The following USP14 variants were observed in gnomAD, a reference collection of about 807,000 sequenced individuals.
The protein encoded by USP14 is ubiquitin carboxyl-terminal hydrolase 14.
USP14 carries 38 observed loss-of-function variants against 76.5 expected under a neutral mutation model. The ratio of observed to expected loss-of-function variants is 0.50; its 90% CI spans 0.38 to 0.65. The LOEUF (loss-of-function observed/expected upper bound fraction) is 0.65, where lower values mean the gene tolerates loss of function less well. Ranked by LOEUF, USP14 falls within the 30% of genes least tolerant of loss-of-function variation. The pLI, the probability that USP14 is intolerant of heterozygous loss-of-function variation, is 0.00. For synonymous variants in USP14, 192 were observed against 191.7 expected, an observed-to-expected ratio of 1.00 and a Z score of -0.01; for missense variants, 467 against 586.5, an observed-to-expected ratio of 0.80 and a Z score of 2.10.
Position 211,222 on chromosome 18 carries a change from G to A in USP14, c.1423G>A (p.Ala475Thr), listed in dbSNP as rs773654673. The A allele has an allele frequency of 5.6e-6, 9 of 1,614,048 alleles. No homozygotes were observed. Among genetic ancestry groups the A allele is most frequent in the South Asian group, 3.3e-5 (3 of 91,056 alleles). The change falls in exon 16 of 16, where the codon GCT (alanine) becomes ACT (threonine). Residue 475 changes from alanine to threonine, a missense_variant. Ala to Thr is a moderately conservative substitution (Grantham distance 58, BLOSUM62 0). Coordinates refer to ENST00000261601, the MANE Select transcript of USP14 (RefSeq NM_005151.4). Reference protein sequence around the residue: ...RLSGGGDWHIAYVLLYGPRRV... With the variant: ...RLSGGGDWHITYVLLYGPRRV... Reference sequence around the variant, plus strand: ...TTCTGGTGGTGGAGACTGGCATATCGCTTACGTTCTACTCTATGGGCCTCG... The same window carrying A: ...TTCTGGTGGTGGAGACTGGCATATCACTTACGTTCTACTCTATGGGCCTCG...
rs750801023 is a variant in USP14 at position 206,033 on chromosome 18, GT to G, written c.1164+1345del. The stretch of plus-strand genomic sequence containing the variant: ...ACCTGCTGTAAACATTCGTGTACAG[GT>G]TTTAATGTAAACGTAAGTTCCATTT... On this transcript the variant is annotated intron_variant, in intron 13 of 15. Transcript: ENST00000261601. Among the ~76,000 whole-genome samples the G allele has an allele frequency of 3.0e-4, 45 of 152,288 alleles. 1 individual carries two copies. Among genetic ancestry groups the G allele is most frequent in the Non-Finnish European group, 5.6e-4 (38 of 68,036 alleles).
In USP14 at chr18:191,986, G is replaced by A. The variant is rs188563895; in HGVS notation, c.405-856G>A. Among the ~76,000 whole-genome samples the A allele has an allele frequency of 4.7e-4, 66 of 140,676 alleles. 1 individual carries two copies. The East Asian group carries it at 0.016, about 35-fold the overall frequency. The allele number at this position is 140,676 out of a possible 152,430, so 92.3% of individuals were successfully genotyped here. On this transcript the variant is annotated intron_variant, in intron 5 of 15. Coordinates refer to ENST00000261601, the MANE Select transcript of USP14 (RefSeq NM_005151.4). The stretch of plus-strand genomic sequence containing the variant: ...TAGTCATTTGAAAAGGAATTTGCAT[G>A]GCCAGTTTGTTGTACTGTTGTAAAT...
intron 1 of USP14, 76 bp from the exon 2 acceptor site, chr18:163,232 A>G (rs1282340135): frequency 1.5e-6 from 2 of 1,367,740 alleles, no homozygotes; most frequent in African/African-American, 2.9e-5. Context: ...ATAACTGCCT[A>G]ATTGGTGATC....
At chr18:161,859 T>G (rs1056413234) in intron 1 of USP14, among the ~76,000 whole-genome samples, 2 of 152,240 alleles carry the variant, frequency 1.3e-5, no homozygotes, top group East Asian at 1.9e-4. Context: ...TTGAAATTTT[T>G]TATTGTGGTA....
rs2143052912 is a variant in USP14, at chr18:192,846, G to T, written c.409G>T (p.Ala137Ser). 1 of 1,613,716 alleles carries T rather than the reference G, an allele frequency of 6.2e-7. No individual in the cohort carries two copies. The highest frequency in any genetic ancestry group is 8.5e-7 in the Non-Finnish European group (1 of 1,179,836). ...PELKDALKRY[A>S]GALRASGEMA... ...ACTCGGCTTTAATGTTCCTAGGTAT[G>T]CAGGTGCCTTGAGAGCTTCAGGGGA... Residue 137 changes from alanine (A) to serine (S), a missense_variant, in exon 6 of 16, where the codon GCA (alanine) becomes TCA (serine). Coordinates refer to ENST00000261601, the MANE Select transcript of USP14 (RefSeq NM_005151.4).
chr18:164,513 G>A (rs1909213567), intron 2 of USP14, among the ~76,000 whole-genome samples: 1 of 151,958 alleles, frequency 6.6e-6, no homozygotes, highest in Non-Finnish European at 1.5e-5. Context: ...GAGTGCAGTG[G>A]TGCTATCTTG....
intron 5 of USP14, among the ~76,000 whole-genome samples, chr18:184,136 T>A (rs900628980): frequency 2.6e-5 from 4 of 152,234 alleles, no homozygotes; most frequent in Non-Finnish European, 5.9e-5. Context: ...TTCCTTTTTT[T>A]AAAAAAATAA....
rs1227594564 is a variant in USP14 at position 214,488 on chromosome 18, T to C, written c.*3204T>C. The C allele has an allele frequency of 5.5e-6, 4 of 721,146 alleles. No homozygotes were observed. Among genetic ancestry groups the C allele is most frequent in the Admixed American group, 2.9e-5 (1 of 33,928 alleles). 44.7% of individuals were successfully genotyped at this position (721,146 alleles called of 1,614,324 possible). ...TGGTTTGAGCCAATATGTGTTCTAT[T>C]GTTCTCAGAGCACCAGCCGACTGTA... On this transcript the variant is annotated 3_prime_UTR_variant, in exon 16 of 16. Transcript: ENST00000261601.
At chr18:190,573 A>C (rs879433023) in intron 5 of USP14, among the ~76,000 whole-genome samples, 1 of 152,220 alleles carries the variant, frequency 6.6e-6, no homozygotes, top group Non-Finnish European at 1.5e-5. Context: ...TGTGGCCTAC[A>C]TAACTTTTGG....
At chr18:163,218 C>T in intron 1 of USP14, 90 bp from the exon 2 acceptor site, 1 of 1,235,118 alleles carries the variant, frequency 8.1e-7, no homozygotes, top group South Asian at 1.6e-5. Context: ...TGTTTTGACT[C>T]CCGATAACTG....
chr18:208,289 AT>A (rs1203580953), intron 13 of USP14, among the ~76,000 whole-genome samples: 4 of 152,068 alleles, frequency 2.6e-5, no homozygotes, highest in Admixed American at 1.3e-4. Context: ...TGTATGTAGA[AT>A]TGTTTCTAGT....
intron 3 of USP14, among the ~76,000 whole-genome samples, chr18:173,434 G>C (rs771342011): frequency 1.4e-5 from 2 of 141,678 alleles, no homozygotes; most frequent in Non-Finnish European, 3.0e-5. Flanking sequence ...TTTTTGAGAC[G>C]GAGTTCCGTT....
chr18:203,877 G>C (rs1039147464), intron 12 of USP14, among the ~76,000 whole-genome samples: 1 of 152,024 alleles, frequency 6.6e-6, no homozygotes, highest in Non-Finnish European at 1.5e-5. Context: ...CTTTCTTTCA[G>C]GTGAAAGGAG....
At chr18:161,551 T>G (rs1312276390) in intron 1 of USP14, among the ~76,000 whole-genome samples, 1 of 152,182 alleles carries the variant, frequency 6.6e-6, no homozygotes, top group Non-Finnish European at 1.5e-5. Flanking sequence ...ACTTACATAG[T>G]TAATTACTCT....
At chr18:170,165 G>A (rs62073489) in intron 3 of USP14, among the ~76,000 whole-genome samples, 6 of 152,182 alleles carry the variant, frequency 3.9e-5, no homozygotes, top group Middle Eastern at 3.4e-3. Flanking sequence ...ATAGCCGGGC[G>A]TAGTGGCACA....
At chr18:197,752 T>A (rs1046424170) in intron 8 of USP14, 56 bp downstream of exon 8, 61 of 1,315,612 alleles carry the variant, frequency 4.6e-5, no homozygotes, top group African/African-American at 5.9e-5. Context: ...TTTTTTTTTT[T>A]ATTTTTTTTC....
intron 13 of USP14, among the ~76,000 whole-genome samples, chr18:205,962 T>C (rs1386309787): frequency 6.6e-6 from 1 of 152,254 alleles, no homozygotes; most frequent in Non-Finnish European, 1.5e-5. Context: ...CATTCACCTA[T>C]TGAAGAACAC....
intron 1 of USP14, chr18:163,016 T>C (rs987908839): frequency 1.0e-5 from 2 of 191,916 alleles, no homozygotes; most frequent in East Asian, 2.6e-4. Context: ...GACCTCATGA[T>C]CCGCCCGCCT....
At chr18:165,210 G>A (rs1395868325) in intron 2 of USP14, among the ~76,000 whole-genome samples, 1 of 152,160 alleles carries the variant, frequency 6.6e-6, no homozygotes, top group African/African-American at 2.4e-5. Context: ...GCCTCCCAAA[G>A]TGCTGGGATT....
Sources: allele counts gnomAD v4.1 joint callset (sites outside exome capture counted in the v4.1 genomes callset), GRCh38; gene constraint gnomAD v4.1.1; transcripts MANE v1.5; gene names NCBI Gene and HGNC (gene_info 2026-07-23, HGNC 2026-07-21).